Variants in SETX observed in about 807,000 individuals in gnomAD.
SETX encodes senataxin.
Under a neutral mutation model 227.2 loss-of-function variants are expected in SETX, and 90 were observed. The observed-to-expected ratio is 0.40, with a 90% CI of 0.33 to 0.47. The LOEUF (loss-of-function observed/expected upper bound fraction) is 0.47, where lower values mean the gene tolerates loss of function less well. Among genes scored for constraint, SETX ranks in the 20% least tolerant of loss-of-function variants. The pLI, the probability that SETX is intolerant of heterozygous loss-of-function variation, is 0.91. For synonymous variants in SETX, 1,210 were observed against 1,113.2 expected (o/e 1.09, Z -1.73); for missense variants, 3,052 against 3,181.5 (o/e 0.96, Z 0.98).
chr9:132,268,943 G>A (rs1225523637), intron 25 of SETX, among the ~76,000 whole-genome samples: 2 of 152,146 alleles, frequency 1.3e-5, no homozygotes, highest in East Asian at 1.9e-4. Context: ...ACCAAAACCA[G>A]GGGAAACAGC....
rs759555006 is a variant in SETX at position 132,300,690 on chromosome 9, T to C, written c.5488A>G (p.Ile1830Val). The C allele has an allele frequency of 4.0e-5, 65 of 1,613,614 alleles. No homozygotes were observed. Among genetic ancestry groups the C allele is most frequent in the African/African-American group, 1.3e-5 (1 of 74,872 alleles). The change falls in exon 12 of 26, where the codon ATA becomes GTA. Residue 1830 changes from isoleucine (I) to valine (V), a missense_variant. This residue lies in a region of SETX where 239 missense variants were observed against 272.1 expected (regional missense o/e 0.88). Coordinates refer to ENST00000224140, the MANE Select transcript of SETX (RefSeq NM_015046.7). ...GAATGATATTCGTGGAGATCTTGTA[T>C]GTCATTTCTCTCTGTATCTTTCTTC... ...EEKKDTERNDIQDLHEYHSGY... is the reference protein window; with the variant it reads ...EEKKDTERNDVQDLHEYHSGY...
At position 132,298,194 on chromosome 9, in the gene SETX, C is replaced by T. The variant is rs778414921; in HGVS notation, c.5667G>A (p.Lys1889=). The T allele has an allele frequency of 1.9e-5, 30 of 1,614,008 alleles. No homozygotes were observed. Among genetic ancestry groups the T allele is most frequent in the Non-Finnish European group, 2.5e-5 (29 of 1,180,004 alleles). ...VISSLVTTQR[K]LKAMSLLGSR... is the part of the protein sequence containing the mutation. ...TACCCAACAGAGACATGGCTTTCAA[C>T]TTCCTTTGTGTAGTTACCAGAGAAC... Residue 1889 remains lysine (K), a synonymous_variant, in exon 13 of 26, where the codon AAG becomes AAA. Transcript: ENST00000224140.
chr9:132,318,748 T>C (rs957882881), intron 10 of SETX, among the ~76,000 whole-genome samples: 2 of 152,114 alleles, frequency 1.3e-5, no homozygotes, highest in South Asian at 2.1e-4. Context: ...TGCTACCCAC[T>C]GCAGACATGA....
At chr9:132,355,513 C>T (rs1348165132), upstream of SETX, among the ~76,000 whole-genome samples, 3 of 152,252 alleles carry the variant, frequency 2.0e-5, no homozygotes, top group Non-Finnish European at 1.5e-5. Context: ...GACCTTAGGT[C>T]TTGCGAACAA....
chr9:132,333,417 A>ATACACC (rs1847386996), intron 7 of SETX, among the ~76,000 whole-genome samples: 1 of 78,780 alleles, frequency 1.3e-5, no homozygotes, highest in Non-Finnish European at 2.3e-5. Flanking sequence ...AAATATATAT[A>ATACACC]CACACACACA....
intron 18 of SETX, 104 bp downstream of exon 18, chr9:132,286,319 C>T: frequency 1.2e-6 from 1 of 863,320 alleles, no homozygotes. Context: ...GACTCTGTCT[C>T]CAAAATAAAT....
chr9:132,342,820 A>G, intron 4 of SETX, 21 bp from the exon 5 acceptor site: 5 of 1,516,486 alleles, frequency 3.3e-6, no homozygotes, highest in Non-Finnish European at 4.6e-6. Context: ...AAAAATAAGT[A>G]AAATACATAA....
intron 15 of SETX, among the ~76,000 whole-genome samples, chr9:132,293,867 A>T (rs1346308396): frequency 6.6e-6 from 1 of 152,150 alleles, no homozygotes; most frequent in Non-Finnish European, 1.5e-5. Context: ...CTAAAAAAAT[A>T]CAAAAAATTA....
At chr9:132,293,732 A>G (rs1177297105) in intron 15 of SETX, among the ~76,000 whole-genome samples, 2 of 152,254 alleles carry the variant, frequency 1.3e-5, no homozygotes, top group African/African-American at 2.4e-5. Flanking sequence ...CTAATTAAAA[A>G]AAAAATAAGG....
chr9:132,308,740 G>A (rs1451322471), intron 11 of SETX, among the ~76,000 whole-genome samples: 2 of 152,124 alleles, frequency 1.3e-5, no homozygotes, highest in South Asian at 4.1e-4. Flanking sequence ...CCTTATTCAT[G>A]AATTAGAAAG....
chr9:132,312,106 T>G (rs1845701106), intron 10 of SETX, among the ~76,000 whole-genome samples: 2 of 152,336 alleles, frequency 1.3e-5, no homozygotes, highest in South Asian at 4.1e-4. Flanking sequence ...TTCTTCAAAC[T>G]AGTCACACTT....
chr9:132,334,761 G>T (rs1847485684), intron 6 of SETX, 34 bp from the exon 7 acceptor site: 1 of 1,609,706 alleles, frequency 6.2e-7, no homozygotes. Context: ...TTGAATTGAT[G>T]AAATAATACT....
At position 132,285,878 on chromosome 9, in the gene SETX, C is replaced by CAAAAAAAAAA. The variant is rs35343871; in HGVS notation, c.6396+535_6396+544dup. On this transcript the variant is annotated intron_variant, in intron 18 of 25. Transcript: ENST00000224140. ...CTGGCAACAGAGTGAGACTCTGTCT[C>CAAAAAAAAAA]AAAAAAAAAAAAACACAAAAGAGGC... is the stretch of plus-strand genomic sequence containing the variant. Among the ~76,000 whole-genome samples the CAAAAAAAAAA allele has an allele frequency of 4.6e-4, 49 of 106,316 alleles. 1 individual carries two copies. Among genetic ancestry groups the CAAAAAAAAAA allele is most frequent in the East Asian group, 2.4e-3 (7 of 2,936 alleles). 69.7% of individuals were successfully genotyped at this position (106,316 alleles called of 152,430 possible).
chr9:132,300,130 C>CAAA (rs72582907), intron 12 of SETX, among the ~76,000 whole-genome samples: 25 of 47,134 alleles, frequency 5.3e-4, no homozygotes, highest in South Asian at 9.0e-4. Context: ...AACTCCGTCT[C>CAAA]AAAAAAAAAA....
intron 5 of SETX, among the ~76,000 whole-genome samples, chr9:132,340,952 C>T (rs1847922648): frequency 6.6e-6 from 1 of 152,160 alleles, no homozygotes; most frequent in Non-Finnish European, 1.5e-5. Context: ...TCCATAGTGC[C>T]TCCCACAGGC....
chr9:132,318,157 C>G (rs892085394), intron 10 of SETX, among the ~76,000 whole-genome samples: 1 of 152,166 alleles, frequency 6.6e-6, no homozygotes, highest in Non-Finnish European at 1.5e-5. Flanking sequence ...ACTATCCACT[C>G]CATTTCCTGA....
chr9:132,354,366 C>T (rs1244033114), intron 1 of SETX, among the ~76,000 whole-genome samples: 2 of 151,752 alleles, frequency 1.3e-5, no homozygotes, highest in African/African-American at 2.4e-5. Context: ...CGTGGTGACG[C>T]GCGCCTATGG....
At chr9:132,290,480 C>T (rs1844223947) in intron 15 of SETX, among the ~76,000 whole-genome samples, 1 of 143,172 alleles carries the variant, frequency 7.0e-6, no homozygotes, top group African/African-American at 2.6e-5. Context: ...GAGGCTGAGG[C>T]AGGAGAACTG....
At position 132,336,399 on chromosome 9, in the gene SETX, T is replaced by C. The variant is rs2131505656; in HGVS notation, c.615A>G (p.Leu205=). The C allele has an allele frequency of 3.1e-6, 5 of 1,614,054 alleles. No homozygotes were observed. The highest frequency in any genetic ancestry group is 4.2e-6 in the Non-Finnish European group (5 of 1,179,916). ...AAGAAGTATAAATGTCTGGACTCTC[T>C]AAAAGCCCCAACTCAATGACTTTAA... is the stretch of plus-strand genomic sequence containing the variant. ...CLFKVIELGL[L]ESPDIYTSSV... is the part of the protein sequence containing the mutation. The change falls in exon 6 of 26, where the codon TTA becomes TTG. Residue 205 remains leucine, a synonymous_variant. Coordinates refer to ENST00000224140, the MANE Select transcript of SETX (RefSeq NM_015046.7).
Sources: allele counts gnomAD v4.1 joint callset (sites outside exome capture counted in the v4.1 genomes callset), GRCh38; gene constraint gnomAD v4.1.1; regional missense constraint gnomAD v4.1.1; transcripts MANE v1.5; gene names NCBI Gene and HGNC (gene_info 2026-07-23, HGNC 2026-07-21).